DOCK3: variants seen among roughly 807,000 people sequenced by gnomAD.
DOCK3 encodes the protein dedicator of cytokinesis 3.
DOCK3 carries 60 observed loss-of-function variants against 265.6 expected under a neutral mutation model. The ratio of observed to expected loss-of-function variants is 0.23; its 90% CI spans 0.18 to 0.28. The LOEUF (loss-of-function observed/expected upper bound fraction) is 0.28, where lower values mean the gene tolerates loss of function less well. DOCK3 is among the 10% of genes least tolerant of loss of function. The pLI, the probability that DOCK3 is intolerant of heterozygous loss-of-function variation, is 1.00. For synonymous variants in DOCK3, 881 were observed against 938.0 expected (o/e 0.94, Z 1.11); for missense variants, 1,981 against 2,594.3 (o/e 0.76, Z 5.14).
intron 9 of DOCK3, 95 bp downstream of exon 9, chr3:51,090,479 G>C: frequency 7.7e-7 from 1 of 1,296,668 alleles, no homozygotes. Context: ...GCACAGAAGA[G>C]GCAAAACAAG....
intron 22 of DOCK3, among the ~76,000 whole-genome samples, chr3:51,254,923 G>C (rs2079464569): frequency 6.6e-6 from 1 of 152,150 alleles, no homozygotes; most frequent in Non-Finnish European, 1.5e-5. Flanking sequence ...ATGTTAGCTG[G>C]TTATTTTGCT....
chr3:51,097,115 C>G (rs1287681826), intron 9 of DOCK3, among the ~76,000 whole-genome samples: 1 of 152,222 alleles, frequency 6.6e-6, no homozygotes, highest in Non-Finnish European at 1.5e-5. Flanking sequence ...CAGTCTGTCC[C>G]TCAGCAGAGC....
chr3:51,253,571 C>T (rs2079380636), intron 22 of DOCK3, among the ~76,000 whole-genome samples: 3 of 152,102 alleles, frequency 2.0e-5, no homozygotes, highest in African/African-American at 7.2e-5. Context: ...AGGGATTCAA[C>T]TTCTTCCTGG....
chr3:51,255,174 T>C (rs1287356743), intron 22 of DOCK3, among the ~76,000 whole-genome samples: 2 of 152,242 alleles, frequency 1.3e-5, no homozygotes, highest in African/African-American at 4.8e-5. Flanking sequence ...TTCTTTTCTT[T>C]AAGAATGTTG....
chr3:50,836,706 A>G (rs1469021370), intron 2 of DOCK3, among the ~76,000 whole-genome samples: 3 of 152,180 alleles, frequency 2.0e-5, no homozygotes. Context: ...GCTCCTCATT[A>G]CTTATGCAAA....
intron 1 of DOCK3, among the ~76,000 whole-genome samples, chr3:50,679,848 A>G (rs1005032427): frequency 6.6e-6 from 1 of 152,176 alleles, no homozygotes; most frequent in African/African-American, 2.4e-5. Flanking sequence ...AAAAGTGAGG[A>G]TGTGCTTGAT....
Position 51,333,223 on chromosome 3 carries a change from C to T in DOCK3, c.3581C>T (p.Thr1194Ile). The change falls in exon 35 of 53, where the codon ACC becomes ATC. Residue 1194 changes from threonine (T) to isoleucine (I), a missense_variant. By Grantham distance (89) the Thr-to-Ile change is moderately conservative. This residue lies in a region of DOCK3 where 1,357 missense variants were observed against 1,866.8 expected (regional missense o/e 0.73). Coordinates refer to ENST00000266037, the MANE Select transcript of DOCK3 (RefSeq NM_004947.5). ...GGCATTTCCTTTGTGACCTCAGTCACCCGCCTCATGGAACGTCTTCTTGAC... is the reference window on the plus strand; with the variant it reads ...GGCATTTCCTTTGTGACCTCAGTCATCCGCCTCATGGAACGTCTTCTTGAC... ...ETGISFVTSV[T>I]RLMERLLDYR... 1 of 1,613,492 alleles carries T rather than the reference C, an allele frequency of 6.2e-7. No individual in the cohort carries two copies. Among genetic ancestry groups the T allele is most frequent in the African/African-American group, 1.3e-5 (1 of 75,052 alleles).
At chr3:51,111,529 T>C (rs1225803426) in intron 9 of DOCK3, among the ~76,000 whole-genome samples, 2 of 152,210 alleles carry the variant, frequency 1.3e-5, no homozygotes, top group Non-Finnish European at 1.5e-5. Context: ...CTTAACCATA[T>C]GCAGAAGATT....
chr3:50,821,872 G>T (rs1179939139), intron 2 of DOCK3, among the ~76,000 whole-genome samples: 2 of 152,068 alleles, frequency 1.3e-5, no homozygotes, highest in African/African-American at 4.8e-5. Context: ...TGATCTATGT[G>T]TCTGTTTTTG....
rs760945338 is a variant in DOCK3 at position 50,840,348 on chromosome 3, A to G, written c.122-1327A>G. Among the ~76,000 whole-genome samples, 32 of 152,254 alleles carry G rather than the reference A, an allele frequency of 2.1e-4. No homozygotes were observed. The Middle Eastern group carries it at 0.01, about 49-fold the overall frequency. On this transcript the variant is annotated intron_variant, in intron 2 of 52. Coordinates refer to ENST00000266037, the MANE Select transcript of DOCK3 (RefSeq NM_004947.5). ...TGTTGTTGGAGTTTTATAGTTTTGC[A>G]TTTTATGTTAAGGTCTACGATCCAT...
intron 1 of DOCK3, among the ~76,000 whole-genome samples, chr3:50,768,273 T>C (rs2199051): frequency 0.86 from 130,218 of 152,072 alleles, 56,053 homozygotes; most frequent in East Asian, 0.95. Context: ...ATAGCTCTTA[T>C]TATTTTGAGA....
intron 2 of DOCK3, among the ~76,000 whole-genome samples, chr3:50,803,751 C>T (rs1294708870): frequency 3.3e-5 from 5 of 150,398 alleles, no homozygotes; most frequent in Admixed American, 1.3e-4. Flanking sequence ...GGGGGCTGCC[C>T]CCCACCTCCC....
chr3:51,179,885 T>G (rs2087177378), intron 12 of DOCK3, among the ~76,000 whole-genome samples: 1 of 151,800 alleles, frequency 6.6e-6, no homozygotes, highest in African/African-American at 2.4e-5. Flanking sequence ...GCACTCAGCT[T>G]GGGCAACAGA....
In DOCK3 at chr3:50,934,031, C is replaced by G; in HGVS notation, c.269C>G (p.Thr90Arg). The G allele has an allele frequency of 6.2e-7, 1 of 1,610,778 alleles. No homozygotes were observed. The highest frequency in any genetic ancestry group is 8.5e-7 in the Non-Finnish European group (1 of 1,178,164). The change falls in exon 5 of 53, where the codon ACA becomes AGA. Residue 90 changes from threonine to arginine, a missense_variant. Around this residue, in one of 4 missense-constraint regions of DOCK3, gnomAD observed 456 missense variants for 539.0 expected, o/e 0.85. Transcript: ENST00000266037. ...GAAGATTCTATTGTGACTGAGGTTACAGCAACTCTACAAGAATGGGCAAGT... is the reference window on the plus strand; with the variant it reads ...GAAGATTCTATTGTGACTGAGGTTAGAGCAACTCTACAAGAATGGGCAAGT... ...PLEDSIVTEV[T>R]ATLQEWASLW...
Position 51,227,572 on chromosome 3 carries a change from C to G in DOCK3, c.1540+127C>G, listed in dbSNP as rs192894659. 382 of 1,355,444 alleles carry G rather than the reference C, an allele frequency of 2.8e-4. 1 individual carries two copies. The highest frequency in any genetic ancestry group is 9.3e-4 in the Admixed American group (39 of 41,712). The allele number at this position is 1,355,444 out of a possible 1,614,324, so 84.0% of individuals were successfully genotyped here. On this transcript the variant is annotated intron_variant, in intron 16 of 52. Transcript: ENST00000266037. ...GAAGAGTTAGGAATAAACAGCTACT[C>G]AGAGATGGGATGTCACCAGAGGCTG... is the stretch of plus-strand genomic sequence containing the variant.
At chr3:51,281,408 G>T (rs1472142542) in intron 27 of DOCK3, among the ~76,000 whole-genome samples, 4 of 151,534 alleles carry the variant, frequency 2.6e-5, no homozygotes, top group South Asian at 4.2e-4. Flanking sequence ...CAAGCTTGTT[G>T]TCGAACTTAT....
intron 10 of DOCK3, among the ~76,000 whole-genome samples, chr3:51,153,275 C>T (rs573023431): frequency 1.3e-5 from 2 of 152,314 alleles, no homozygotes; most frequent in South Asian, 4.1e-4. Flanking sequence ...TAGCACTGAG[C>T]AAGGCTCTGT....
At chr3:51,044,207 G>A (rs562646909) in intron 5 of DOCK3, among the ~76,000 whole-genome samples, 1 of 152,296 alleles carries the variant, frequency 6.6e-6, no homozygotes, top group East Asian at 1.9e-4. Flanking sequence ...ATTGGATAAA[G>A]AAAATGTGGT....
At chr3:50,938,186 G>A (rs757810576) in intron 5 of DOCK3, among the ~76,000 whole-genome samples, 15 of 151,830 alleles carry the variant, frequency 9.9e-5, no homozygotes, top group Non-Finnish European at 1.9e-4. Flanking sequence ...AACTACCAGG[G>A]AAAAAGGGAC....
Sources: gnomAD v4.1 joint callset for allele counts (sites outside exome capture counted in the v4.1 genomes callset) on GRCh38, gnomAD v4.1.1 for gene constraint, gnomAD v4.1.1 regional missense constraint, MANE v1.5 for transcripts, NCBI Gene and HGNC (gene_info 2026-07-23, HGNC 2026-07-21) for gene names.